ABTB3: variants seen among roughly 807,000 people sequenced by gnomAD.
ABTB3 encodes the protein ankyrin repeat- and BTB/POZ domain-containing protein 3.
chr12:107,637,058 C>A, the ABTB3 span, among the ~76,000 whole-genome samples: 1 of 152,236 alleles, frequency 6.6e-6, no homozygotes, highest in African/African-American at 2.4e-5. Flanking sequence ...AAATCAAATA[C>A]CATCAACATC....
At chr12:107,367,876 G>A in the ABTB3 span, among the ~76,000 whole-genome samples, 4 of 152,138 alleles carry the variant, frequency 2.6e-5, no homozygotes, top group East Asian at 1.9e-4. Flanking sequence ...CATCCAAGGC[G>A]TTTAATATAT....
the ABTB3 span, among the ~76,000 whole-genome samples, chr12:107,442,119 T>C: frequency 6.6e-6 from 1 of 152,210 alleles, no homozygotes; most frequent in Non-Finnish European, 1.5e-5. Flanking sequence ...ACTTTCATTT[T>C]CTTATTCTTC....
the ABTB3 span, among the ~76,000 whole-genome samples, chr12:107,648,847 C>CGGT: frequency 2.1e-5 from 3 of 143,940 alleles, no homozygotes; most frequent in African/African-American, 5.1e-5. Flanking sequence ...ATGACTGGGG[C>CGGT]GGGAGGTGGG....
At chr12:107,564,351 C>G in the ABTB3 span, among the ~76,000 whole-genome samples, 1 of 152,156 alleles carries the variant, frequency 6.6e-6, no homozygotes, top group South Asian at 2.1e-4. Context: ...CTCCCTGGAG[C>G]TACCACCAGT....
At chr12:107,478,708 C>A in the ABTB3 span, among the ~76,000 whole-genome samples, 1 of 152,046 alleles carries the variant, frequency 6.6e-6, no homozygotes, top group Non-Finnish European at 1.5e-5. Context: ...TAGTATATTT[C>A]ACGTGCGGGG....
the ABTB3 span, among the ~76,000 whole-genome samples, chr12:107,393,861 C>T: frequency 4.6e-5 from 7 of 151,930 alleles, no homozygotes; most frequent in African/African-American, 7.3e-5. Flanking sequence ...ACCTGGGAGG[C>T]GGAGCTTGCA....
chr12:107,491,032 G>A, the ABTB3 span, among the ~76,000 whole-genome samples: 2 of 152,116 alleles, frequency 1.3e-5, no homozygotes, highest in Non-Finnish European at 2.9e-5. Flanking sequence ...CCATATGGGG[G>A]CCACACCTTC....
At chr12:107,505,706 T>C in the ABTB3 span, among the ~76,000 whole-genome samples, 1 of 152,092 alleles carries the variant, frequency 6.6e-6, no homozygotes, top group African/African-American at 2.4e-5. Flanking sequence ...CTCCAATAGG[T>C]CCCAATGTGT....
the ABTB3 span, among the ~76,000 whole-genome samples, chr12:107,655,549 G>C: frequency 2.0e-5 from 3 of 152,330 alleles, no homozygotes; most frequent in Admixed American, 6.5e-5. Flanking sequence ...AGTAAAAAGA[G>C]TGGTAAAGAA....
At chr12:107,544,183 T>C in the ABTB3 span, 1 of 1,583,828 alleles carries the variant, frequency 6.3e-7, no homozygotes, top group African/African-American at 1.3e-5. Context: ...GGGTACTGCC[T>C]CCAGGGTGGG....
At chr12:107,524,158 G>A in the ABTB3 span, among the ~76,000 whole-genome samples, 1 of 152,354 alleles carries the variant, frequency 6.6e-6, no homozygotes, top group African/African-American at 2.4e-5. Context: ...ACTTTTGCAT[G>A]TGAGTTGTTG....
chr12:107,370,465 G>GA, the ABTB3 span, among the ~76,000 whole-genome samples: 1 of 152,254 alleles, frequency 6.6e-6, no homozygotes, highest in Non-Finnish European at 1.5e-5. Context: ...CGAGTCCTCA[G>GA]AGTGTGGCTC....
chr12:107,574,332 G>A, the ABTB3 span, among the ~76,000 whole-genome samples: 3 of 152,156 alleles, frequency 2.0e-5, no homozygotes, highest in African/African-American at 7.2e-5. Context: ...CACCTTCCCT[G>A]GTTTCTGACT....
At chr12:107,369,493 G>A in the ABTB3 span, among the ~76,000 whole-genome samples, 6 of 148,558 alleles carry the variant, frequency 4.0e-5, no homozygotes, top group Non-Finnish European at 8.9e-5. Flanking sequence ...TGCCTTCCAC[G>A]TTCAAGCAAT....
the ABTB3 span, among the ~76,000 whole-genome samples, chr12:107,429,733 A>G: frequency 6.6e-6 from 1 of 152,232 alleles, no homozygotes; most frequent in African/African-American, 2.4e-5. Context: ...ACAGATATGC[A>G]TGGTCCAAAT....
chr12:107,571,324 G>A, the ABTB3 span, among the ~76,000 whole-genome samples: 1 of 152,360 alleles, frequency 6.6e-6, no homozygotes, highest in Admixed American at 6.5e-5. Context: ...AAATGATGAA[G>A]CCTGGGCACA....
the ABTB3 span, among the ~76,000 whole-genome samples, chr12:107,503,518 G>C: frequency 6.6e-6 from 1 of 152,014 alleles, no homozygotes; most frequent in East Asian, 1.9e-4. Flanking sequence ...TGTAATCCCA[G>C]CATTTTGGGG....
At chr12:107,438,154 CCT>C in the ABTB3 span, among the ~76,000 whole-genome samples, 2 of 152,108 alleles carry the variant, frequency 1.3e-5, no homozygotes, top group Non-Finnish European at 1.5e-5. Flanking sequence ...TCGAGTCACC[CCT>C]GTGTCTCTGA....
the ABTB3 span, among the ~76,000 whole-genome samples, chr12:107,608,421 G>A: frequency 1.3e-5 from 2 of 152,140 alleles, no homozygotes; most frequent in Non-Finnish European, 2.9e-5. Flanking sequence ...GGTCCTCTAG[G>A]CCCTGCTTAC....
Sources: allele counts gnomAD v4.1 joint callset (sites outside exome capture counted in the v4.1 genomes callset), GRCh38; gene constraint gnomAD v4.1.1; transcripts MANE v1.5; gene names NCBI Gene and HGNC (gene_info 2026-07-23, HGNC 2026-07-21).